The following ITGA9 variants were observed in gnomAD, a reference collection of about 807,000 sequenced individuals.
The protein encoded by ITGA9 is integrin subunit alpha 9, also known as integrin alpha-9.
A neutral mutation model predicts 127.8 loss-of-function variants in ITGA9; 56 were observed. The ratio of observed to expected loss-of-function variants is 0.44; its 90% CI spans 0.35 to 0.55. ITGA9 has a LOEUF of 0.55. Among genes scored for constraint, ITGA9 ranks in the 20% least tolerant of loss-of-function variants. The probability of loss-of-function intolerance (pLI) is 0.00; values close to 1 mark genes in which losing one functional copy is unlikely to be tolerated. For synonymous variants in ITGA9, 508 were observed against 514.5 expected (o/e 0.99, Z 0.17); for missense variants, 1,196 against 1,347.1 (o/e 0.89, Z 1.76).
chr3:37,809,686 T>C (rs1697343761), intron 27 of ITGA9, among the ~76,000 whole-genome samples: 1 of 152,110 alleles, frequency 6.6e-6, no homozygotes, highest in South Asian at 2.1e-4. Context: ...TCAAAAGACT[T>C]TATAAGAGGT....
At chr3:37,456,079 A>G (rs1433736197) in intron 1 of ITGA9, among the ~76,000 whole-genome samples, 1 of 152,082 alleles carries the variant, frequency 6.6e-6, no homozygotes, top group Non-Finnish European at 1.5e-5. Flanking sequence ...CTCTGTAGCC[A>G]TATCACACTG....
intron 15 of ITGA9, among the ~76,000 whole-genome samples, chr3:37,617,662 C>G (rs1180419319): frequency 6.6e-6 from 1 of 152,198 alleles, no homozygotes; most frequent in Non-Finnish European, 1.5e-5. Flanking sequence ...TTGTTCGTTT[C>G]TTTTTATTCT....
chr3:37,544,769 A>T (rs1699309197), intron 15 of ITGA9, among the ~76,000 whole-genome samples: 1 of 152,196 alleles, frequency 6.6e-6, no homozygotes, highest in South Asian at 2.1e-4. Flanking sequence ...TTTCTCATGC[A>T]AGGAGGTGGG....
At chr3:37,509,308 A>G (rs1698877428) in intron 8 of ITGA9, among the ~76,000 whole-genome samples, 1 of 152,188 alleles carries the variant, frequency 6.6e-6, no homozygotes, top group African/African-American at 2.4e-5. Flanking sequence ...TGCTATTAAT[A>G]AGCAACAGTT....
intron 16 of ITGA9, among the ~76,000 whole-genome samples, chr3:37,650,500 C>T (rs953753260): frequency 2.0e-5 from 3 of 152,004 alleles, no homozygotes; most frequent in African/African-American, 4.8e-5. Context: ...TGGTTGGTCT[C>T]GGCTCACTGC....
chr3:37,463,839 A>T (rs900892731), intron 1 of ITGA9, among the ~76,000 whole-genome samples: 4 of 152,192 alleles, frequency 2.6e-5, no homozygotes, highest in Non-Finnish European at 5.9e-5. Flanking sequence ...AGAAAAGGGA[A>T]CAAGGTTCTA....
intron 8 of ITGA9, among the ~76,000 whole-genome samples, chr3:37,508,929 C>G (rs1386506959): frequency 6.6e-6 from 1 of 152,194 alleles, no homozygotes; most frequent in Non-Finnish European, 1.5e-5. Flanking sequence ...CATGCCCTGT[C>G]TCTCTGCCTC....
rs1176263183 is a variant in ITGA9, at chr3:37,512,120, C to CTTTCTTTTCT, written c.898-1560_898-1551dup. Among the ~76,000 whole-genome samples the CTTTCTTTTCT allele has an allele frequency of 1.0e-3, 41 of 39,458 alleles. 1 individual carries two copies. The highest frequency in any genetic ancestry group is 1.4e-3 in the Non-Finnish European group (30 of 21,186). 25.9% of individuals were successfully genotyped at this position (39,458 alleles called of 152,430 possible). A position where few individuals can be genotyped will look rare whatever the true frequency, so the allele number is the denominator to read the frequency against. The stretch of plus-strand genomic sequence containing the variant: ...TCCTTCCTTCCTTCCTTCCTTCCTT[C>CTTTCTTTTCT]TTTCTTTTCTTTTCTTTTCTTTTCT... On this transcript the variant is annotated intron_variant, in intron 8 of 27. Transcript: ENST00000264741.
chr3:37,696,708 A>G (rs1273617068), intron 18 of ITGA9, among the ~76,000 whole-genome samples: 1 of 152,202 alleles, frequency 6.6e-6, no homozygotes, highest in Non-Finnish European at 1.5e-5. Flanking sequence ...TATTGTCCCG[A>G]GTCTAAACAT....
At chr3:37,735,209 C>A (rs1696344971) in intron 19 of ITGA9, among the ~76,000 whole-genome samples, 1 of 152,226 alleles carries the variant, frequency 6.6e-6, no homozygotes, top group Non-Finnish European at 1.5e-5. Context: ...CCTGTCATCT[C>A]ACTGTGCTCT....
intron 1 of ITGA9, among the ~76,000 whole-genome samples, chr3:37,455,154 A>G (rs1009997017): frequency 2.6e-5 from 4 of 152,186 alleles, no homozygotes; most frequent in African/African-American, 9.7e-5. Flanking sequence ...GGGTTGGTTG[A>G]TTGACTTGGT....
intron 16 of ITGA9, among the ~76,000 whole-genome samples, chr3:37,637,643 T>G (rs1161266771): frequency 6.6e-6 from 1 of 151,484 alleles, no homozygotes; most frequent in Non-Finnish European, 1.5e-5. Flanking sequence ...GCTGATGGGG[T>G]GGGCCCCAGC....
chr3:37,527,958 T>C (rs577408262), intron 13 of ITGA9, among the ~76,000 whole-genome samples: 1 of 151,986 alleles, frequency 6.6e-6, no homozygotes, highest in Non-Finnish European at 1.5e-5. Flanking sequence ...GCTAATTTTT[T>C]AATATTTTTA....
chr3:37,673,569 C>T (rs568203914), intron 17 of ITGA9, among the ~76,000 whole-genome samples: 3 of 152,232 alleles, frequency 2.0e-5, no homozygotes, highest in Non-Finnish European at 2.9e-5. Context: ...ACAACACCTC[C>T]TCCCTCAGTC....
intron 15 of ITGA9, chr3:37,585,640 A>G (rs1699750793): frequency 1.9e-6 from 1 of 516,454 alleles, no homozygotes; most frequent in Non-Finnish European, 3.9e-6. Flanking sequence ...GGGAACATGA[A>G]GAATGTTTGT....
chr3:37,589,696 C>T (rs1471724383), intron 15 of ITGA9, among the ~76,000 whole-genome samples: 2 of 152,084 alleles, frequency 1.3e-5, no homozygotes, highest in African/African-American at 4.8e-5. Flanking sequence ...ACAGCCGGTG[C>T]AAAGGCCCTG....
At chr3:37,702,693 G>A (rs564111277) in intron 18 of ITGA9, among the ~76,000 whole-genome samples, 12 of 152,182 alleles carry the variant, frequency 7.9e-5, no homozygotes, top group Admixed American at 2.6e-4. Flanking sequence ...GAGACCTCAC[G>A]GTACAGTCAG....
intron 5 of ITGA9, among the ~76,000 whole-genome samples, chr3:37,498,527 G>A (rs1698755453): frequency 6.6e-6 from 1 of 152,196 alleles, no homozygotes; most frequent in South Asian, 2.1e-4. Flanking sequence ...AGGTAGCTGT[G>A]CAAGCTCAGG....
intron 4 of ITGA9, among the ~76,000 whole-genome samples, chr3:37,492,110 G>T (rs1038526674): frequency 6.6e-6 from 1 of 152,120 alleles, no homozygotes; most frequent in Admixed American, 6.5e-5. Context: ...ATTAGAACTG[G>T]ATTCTACTCT....
Sources: gnomAD v4.1 joint callset for allele counts (sites outside exome capture counted in the v4.1 genomes callset) on GRCh38, gnomAD v4.1.1 for gene constraint, MANE v1.5 for transcripts, NCBI Gene and HGNC (gene_info 2026-07-23, HGNC 2026-07-21) for gene names.